The following SCFD2 variants were observed in gnomAD, a reference collection of about 807,000 sequenced individuals.
SCFD2 encodes sec1 family domain-containing protein 2.
SCFD2 carries 54 observed loss-of-function variants against 58.9 expected under a neutral mutation model. That is an observed-to-expected ratio of 0.92 (90% CI 0.74 to 1.15). The LOEUF is 1.15. Among genes scored for constraint, SCFD2 ranks in the 50% most tolerant of loss-of-function variants. SCFD2 has a pLI of 0.00. For synonymous variants in SCFD2, 321 were observed against 335.9 expected, an observed-to-expected ratio of 0.96 and a Z score of 0.49; for missense variants, 805 against 836.6, an observed-to-expected ratio of 0.96 and a Z score of 0.47.
At chr4:53,330,180 T>A (rs1412610184) in intron 2 of SCFD2, among the ~76,000 whole-genome samples, 2 of 152,178 alleles carry the variant, frequency 1.3e-5, no homozygotes, top group Non-Finnish European at 2.9e-5. Flanking sequence ...TGCAGGATAT[T>A]ATCCAGGAGA....
intron 8 of SCFD2, among the ~76,000 whole-genome samples, chr4:52,879,345 T>C (rs1718551992): frequency 6.6e-6 from 1 of 151,580 alleles, no homozygotes; most frequent in Admixed American, 6.6e-5. Context: ...AGAAATGGGG[T>C]TTTTAATGAA....
Position 53,365,128 on chromosome 4 carries a change from C to A in SCFD2, c.814G>T (p.Val272Leu). Residue 272 changes from valine to leucine, a missense_variant, in exon 1 of 9, where the codon GTG (valine) becomes TTG (leucine). Physicochemically the swap from Val to Leu is conservative, Grantham distance 32 (BLOSUM62 1). Coordinates refer to ENST00000401642, the MANE Select transcript of SCFD2 (RefSeq NM_152540.4). This position sits in a 1 kb window ranked among gnomAD's most constrained non-coding sequence, Gnocchi z 4.3. Reference protein sequence around the residue: ...TAAGRASVVFVDRTLDLTGAV... With the variant: ...TAAGRASVVFLDRTLDLTGAV... ...CCTGTGAGATCCAGGGTTCTGTCCA[C>A]AAAAACCACTGATGCCCTGCCTGCA... 3 of 1,614,164 alleles carry A rather than the reference C, an allele frequency of 1.9e-6. No individual in the cohort carries two copies. Among genetic ancestry groups the A allele is most frequent in the South Asian group, 2.2e-5 (2 of 91,082 alleles).
intron 4 of SCFD2, among the ~76,000 whole-genome samples, chr4:53,266,945 G>A (rs1731003640): frequency 1.3e-5 from 2 of 152,200 alleles, no homozygotes; most frequent in African/African-American, 2.4e-5. Flanking sequence ...GAAATTAAGT[G>A]TATAAATCTA....
At chr4:53,316,878 G>A (rs969360974) in intron 2 of SCFD2, among the ~76,000 whole-genome samples, 8 of 152,086 alleles carry the variant, frequency 5.3e-5, no homozygotes, top group Non-Finnish European at 1.0e-4. Context: ...GGGAGGCCAA[G>A]GCAGGCAGAT....
chr4:52,947,950 C>G (rs1273793110), intron 5 of SCFD2, among the ~76,000 whole-genome samples: 1 of 117,412 alleles, frequency 8.5e-6, no homozygotes, highest in African/African-American at 3.4e-5. Flanking sequence ...ATACAAACAA[C>G]CAAGTAGAAA....
At chr4:52,971,825 A>C (rs1420660419) in intron 5 of SCFD2, among the ~76,000 whole-genome samples, 2 of 152,380 alleles carry the variant, frequency 1.3e-5, no homozygotes, top group South Asian at 4.1e-4. Context: ...CTCTCCGCAG[A>C]AACTCTACAA....
At chr4:53,108,984 CA>C (rs1471817973) in intron 5 of SCFD2, among the ~76,000 whole-genome samples, 10 of 152,260 alleles carry the variant, frequency 6.6e-5, no homozygotes, top group African/African-American at 1.2e-4. Flanking sequence ...ACTAGTAAAG[CA>C]AATCCAGCAG....
chr4:53,120,520 T>A (rs563400340), intron 5 of SCFD2, among the ~76,000 whole-genome samples: 5 of 152,318 alleles, frequency 3.3e-5, no homozygotes, highest in African/African-American at 1.2e-4. Context: ...TAATAACTTG[T>A]ATTTTTCCTT....
At chr4:53,002,410 C>G (rs1721882569) in intron 5 of SCFD2, among the ~76,000 whole-genome samples, 1 of 152,234 alleles carries the variant, frequency 6.6e-6, no homozygotes, top group African/African-American at 2.4e-5. Flanking sequence ...ATATACAGCA[C>G]TGGGTGGGGT....
At chr4:53,090,762 A>G (rs1385832936) in intron 5 of SCFD2, among the ~76,000 whole-genome samples, 2 of 152,182 alleles carry the variant, frequency 1.3e-5, no homozygotes, top group Non-Finnish European at 2.9e-5. Flanking sequence ...TTACATTGAA[A>G]AGCTAATAAT....
At chr4:53,251,140 G>A (rs1730358799) in intron 4 of SCFD2, among the ~76,000 whole-genome samples, 1 of 152,152 alleles carries the variant, frequency 6.6e-6, no homozygotes, top group Non-Finnish European at 1.5e-5. Flanking sequence ...TAGAAGAAAT[G>A]GATAAATTCC....
intron 5 of SCFD2, among the ~76,000 whole-genome samples, chr4:53,018,855 G>A (rs1722277998): frequency 6.6e-6 from 1 of 152,154 alleles, no homozygotes; most frequent in East Asian, 1.9e-4. Context: ...ACTAAGGATA[G>A]CCATAATAAG....
intron 7 of SCFD2, among the ~76,000 whole-genome samples, chr4:52,888,766 C>T (rs1436471425): frequency 6.6e-6 from 1 of 152,202 alleles, no homozygotes; most frequent in East Asian, 1.9e-4. Flanking sequence ...TCCTTGGTTC[C>T]TTGCCCTTTG....
intron 5 of SCFD2, among the ~76,000 whole-genome samples, chr4:53,079,990 C>T (rs766306950): frequency 2.6e-5 from 4 of 152,092 alleles, no homozygotes; most frequent in Admixed American, 6.6e-5. Flanking sequence ...GGAATAGTTA[C>T]GTATTCCTGT....
At position 52,965,008 on chromosome 4, in the gene SCFD2, A is replaced by T. The variant is rs527536722; in HGVS notation, c.1562-44138T>A. ...GGTGGTGACTAAATGAATAAAACAA[A>T]ACACAAACACACACACACACACACA... On this transcript the variant is annotated intron_variant, in intron 5 of 8. Coordinates refer to ENST00000401642, the MANE Select transcript of SCFD2 (RefSeq NM_152540.4). Among the ~76,000 whole-genome samples the T allele has an allele frequency of 2.3e-5, 3 of 129,058 alleles. No individual in the cohort carries two copies. In the East Asian group the frequency reaches 6.5e-4, roughly 28 times the overall value. The allele number at this position is 129,058 out of a possible 152,430, so 84.7% of individuals were successfully genotyped here. A position where few individuals can be genotyped will look rare whatever the true frequency, so the allele number is the denominator to read the frequency against.
Position 53,365,920 on chromosome 4 carries a change from A to T in SCFD2, c.22T>A (p.Ser8Thr). The T allele has an allele frequency of 6.4e-7, 1 of 1,553,676 alleles. No individual in the cohort carries two copies. The highest frequency in any genetic ancestry group is 8.7e-7 in the Non-Finnish European group (1 of 1,153,126). Reference protein sequence around the residue: MSASGVLSFTQQGWEQVL... With the variant: MSASGVLTFTQQGWEQVL... ...TGCTCCCATCCTTGCTGGGTAAAGG[A>T]CAGTACGCCCGAGGCGCTCATGGTT... is the stretch of plus-strand genomic sequence containing the variant. The change falls in exon 1 of 9, where the codon TCC becomes ACC. Residue 8 changes from serine (S) to threonine (T), a missense_variant. Transcript: ENST00000401642. This position sits in a 1 kb window ranked among gnomAD's most constrained non-coding sequence, Gnocchi z 4.3.
chr4:53,362,925 G>T (rs1158828673), intron 1 of SCFD2, among the ~76,000 whole-genome samples: 1 of 152,122 alleles, frequency 6.6e-6, no homozygotes, highest in Non-Finnish European at 1.5e-5. Flanking sequence ...AAAAGACATG[G>T]GTACAGATGT....
intron 4 of SCFD2, among the ~76,000 whole-genome samples, chr4:53,219,417 G>T (rs905555476): frequency 1.3e-5 from 2 of 152,352 alleles, no homozygotes; most frequent in Admixed American, 6.5e-5. Flanking sequence ...GGCTCCATGG[G>T]TGTGGGACCC....
intron 7 of SCFD2, among the ~76,000 whole-genome samples, chr4:52,896,192 T>A (rs1577806352): frequency 1.3e-5 from 2 of 152,336 alleles, no homozygotes; most frequent in Non-Finnish European, 1.5e-5. Flanking sequence ...CAATTTTGGC[T>A]TTTGTTGCCA....
Sources: gnomAD v4.1 joint callset for allele counts (sites outside exome capture counted in the v4.1 genomes callset) on GRCh38, gnomAD v4.1.1 for gene constraint, Gnocchi (gnomAD v3.1) non-coding constraint, MANE v1.5 for transcripts, NCBI Gene and HGNC (gene_info 2026-07-23, HGNC 2026-07-21) for gene names.